Variants in ADCY10 observed in about 807,000 individuals in gnomAD.
ADCY10 encodes adenylate cyclase 10, also known as adenylate cyclase type 10.
In ADCY10, 156 loss-of-function variants were observed where a neutral mutation model predicts 183.3. That is an observed-to-expected ratio of 0.85 (90% CI 0.75 to 0.97). The LOEUF is 0.97. Among genes scored for constraint, ADCY10 ranks in the 50% least tolerant of loss-of-function variants. The probability of loss-of-function intolerance (pLI) is 0.00; values close to 1 mark genes in which losing one functional copy is unlikely to be tolerated. For synonymous variants in ADCY10, 645 were observed against 670.0 expected, an observed-to-expected ratio of 0.96 and a Z score of 0.58; for missense variants, 1,745 against 1,934.3, an observed-to-expected ratio of 0.90 and a Z score of 1.84.
chr1:167,904,010 T>A lies in ADCY10; in HGVS notation c.149-19A>T. 2 of 1,556,020 alleles carry A rather than the reference T, an allele frequency of 1.3e-6. No homozygotes were observed. Among genetic ancestry groups the A allele is most frequent in the Non-Finnish European group, 1.8e-6 (2 of 1,129,730 alleles). ...GTAAAACCTGGAATAAATGTGCAGC[T>A]GGTTTCCTTGGCTGCTTGGGGGAAT... On this transcript the variant is annotated intron_variant, in intron 2 of 32. Transcript: ENST00000367851.
chr1:167,809,448 A>C lies in ADCY10; in HGVS notation c.*230T>G, dbSNP rs547984686. 3.0e-5 allele frequency: 16 copies of C among 536,426 alleles called. No homozygotes were observed. The South Asian group carries it at 3.4e-4, about 11-fold the overall frequency. The allele number at this position is 536,426 out of a possible 1,614,324, so 33.2% of individuals were successfully genotyped here. On this transcript the variant is annotated 3_prime_UTR_variant, in exon 33 of 33. Coordinates refer to ENST00000367851, the MANE Select transcript of ADCY10 (RefSeq NM_018417.6). ...TGGGCTGAAATAAACAGGTCAAGCT[A>C]AAACAACATGAATGGTAAAAGCAAT... is the stretch of plus-strand genomic sequence containing the variant.
At chr1:167,859,956 C>G in intron 15 of ADCY10, 63 bp from the exon 16 acceptor site, 1 of 1,204,378 alleles carries the variant, frequency 8.3e-7, no homozygotes, top group Non-Finnish European at 1.2e-6. Context: ...ACTGGCTATG[C>G]AACTTTGGGC....
intron 14 of ADCY10, among the ~76,000 whole-genome samples, chr1:167,868,649 A>G (rs932685176): frequency 6.6e-6 from 1 of 152,188 alleles, no homozygotes; most frequent in African/African-American, 2.4e-5. Flanking sequence ...TGTTATTGGC[A>G]CTATTAAACC....
In ADCY10 at chr1:167,809,524, GCCC is replaced by G. The variant is rs1291728228; in HGVS notation, c.*151_*153del. ...ACCATGACACTCCTGACCCTTGTAG[GCCC>G]TCCAGAAAGAGAAGAAATCAACATG... is the stretch of plus-strand genomic sequence containing the variant. On this transcript the variant is annotated 3_prime_UTR_variant, in exon 33 of 33. Coordinates refer to ENST00000367851, the MANE Select transcript of ADCY10 (RefSeq NM_018417.6). The G allele has an allele frequency of 1.7e-5, 14 of 835,534 alleles. No individual in the cohort carries two copies. The highest frequency in any genetic ancestry group is 2.5e-5 in the Non-Finnish European group (13 of 522,040). 51.8% of individuals were successfully genotyped at this position (835,534 alleles called of 1,614,324 possible). A position where few individuals can be genotyped will look rare whatever the true frequency, so the allele number is the denominator to read the frequency against.
rs547484207 is a variant in ADCY10 at position 167,843,704 on chromosome 1, C to A, written c.3007+1859G>T. 4.6e-4 allele frequency among the ~76,000 whole-genome samples: 70 copies of A among 152,274 alleles called. 1 individual carries two copies. The highest frequency in any genetic ancestry group is 7.6e-4 in the Non-Finnish European group (52 of 68,034). ...ATGAGAAACCCTCACACATCCTTTC[C>A]CACAGTCTGGGATGGCAGCTTGATC... On this transcript the variant is annotated intron_variant, in intron 21 of 32. Transcript: ENST00000367851.
intron 7 of ADCY10, among the ~76,000 whole-genome samples, chr1:167,895,131 C>T (rs1668872155): frequency 6.7e-6 from 1 of 149,142 alleles, no homozygotes; most frequent in Non-Finnish European, 1.5e-5. Flanking sequence ...GCAGTGAGCC[C>T]ATATCGCGCC....
chr1:167,903,915 G>A lies in ADCY10; in HGVS notation c.225C>T (p.Leu75=). Reference sequence around the variant, plus strand: ...CCACTATTGCACTTATGTGGTAGTTGAGGATCTCCACCAACTGCTCAGCCC... The same window carrying A: ...CCACTATTGCACTTATGTGGTAGTTAAGGATCTCCACCAACTGCTCAGCCC... The part of the protein sequence containing the change: ...DRGAEQLVEI[L]NYHISAIVEK... The change falls in exon 3 of 33, where the codon CTC becomes CTT. Residue 75 remains leucine, a synonymous_variant. Coordinates refer to ENST00000367851, the MANE Select transcript of ADCY10 (RefSeq NM_018417.6). 6.2e-7 allele frequency: 1 copy of A among 1,613,414 alleles called. No individual in the cohort carries two copies. The highest frequency in any genetic ancestry group is 8.5e-7 in the Non-Finnish European group (1 of 1,179,472).
At chr1:167,908,337 T>C (rs775993436) in intron 1 of ADCY10, among the ~76,000 whole-genome samples, 1 of 152,162 alleles carries the variant, frequency 6.6e-6, no homozygotes, top group Non-Finnish European at 1.5e-5. Flanking sequence ...CTCACTTATA[T>C]ATGGAATCTA....
rs187350392 is a variant in ADCY10, at chr1:167,864,471, A to G, written c.1617-3408T>C. Among the ~76,000 whole-genome samples, 9 of 152,296 alleles carry G rather than the reference A, an allele frequency of 5.9e-5. No homozygotes were observed. In the East Asian group the frequency reaches 1.7e-3, roughly 29 times the overall value. ...CACAAGGTAACCTGTAAGCCAAGGC[A>G]CACAGACCAGTTTCTGTACGTAGAC... On this transcript the variant is annotated intron_variant, in intron 14 of 32. Transcript: ENST00000367851.
At chr1:167,870,174 G>A (rs983122713) in intron 14 of ADCY10, 83 bp downstream of exon 14, 2 of 1,482,368 alleles carry the variant, frequency 1.3e-6, no homozygotes, top group East Asian at 4.5e-5. Context: ...ATTTACATAA[G>A]GCAAGTTATA....
intron 30 of ADCY10, among the ~76,000 whole-genome samples, chr1:167,819,247 ATTTTT>A (rs11454786): frequency 7.8e-6 from 1 of 128,336 alleles, no homozygotes; most frequent in East Asian, 2.3e-4. Context: ...AGAAAATCCG[ATTTTT>A]TTTTTTTTTT....
chr1:167,883,394 C>A, intron 9 of ADCY10, 43 bp downstream of exon 9: 1 of 1,602,972 alleles, frequency 6.2e-7, no homozygotes, highest in Non-Finnish European at 8.5e-7. Context: ...TGAATGCTAA[C>A]CTAAAACTAT....
intron 11 of ADCY10, 117 bp downstream of exon 11, chr1:167,879,998 A>G: frequency 3.4e-6 from 3 of 872,126 alleles, no homozygotes; most frequent in Non-Finnish European, 5.7e-6. Flanking sequence ...GGAAGACTCT[A>G]AAGTTTCTGA....
chr1:167,882,056 G>A (rs530413637), intron 9 of ADCY10, among the ~76,000 whole-genome samples: 1 of 152,320 alleles, frequency 6.6e-6, no homozygotes, highest in South Asian at 2.1e-4. Flanking sequence ...TGTTGAATTA[G>A]TGAGTGAGTG....
chr1:167,912,725 CAT>C (rs1389011444), intron 1 of ADCY10, among the ~76,000 whole-genome samples: 5 of 152,216 alleles, frequency 3.3e-5, no homozygotes, highest in Non-Finnish European at 7.3e-5. Context: ...AATCACTCCA[CAT>C]GTGTCTGTGT....
intron 21 of ADCY10, among the ~76,000 whole-genome samples, chr1:167,840,494 C>A (rs921540735): frequency 1.3e-5 from 2 of 151,796 alleles, no homozygotes; most frequent in African/African-American, 4.8e-5. Context: ...GTAGCTGGGA[C>A]TATAGGCGTG....
At chr1:167,889,530 G>A (rs2102325067) in intron 8 of ADCY10, among the ~76,000 whole-genome samples, 1 of 152,162 alleles carries the variant, frequency 6.6e-6, no homozygotes, top group East Asian at 1.9e-4. Flanking sequence ...CTGGCCTGTA[G>A]CTTTCTTTTT....
intron 11 of ADCY10, among the ~76,000 whole-genome samples, chr1:167,879,874 CA>C (rs781582571): frequency 2.0e-5 from 3 of 152,172 alleles, no homozygotes; most frequent in Admixed American, 6.5e-5. Flanking sequence ...CTCATTCCAT[CA>C]ACATATAGCC....
intron 16 of ADCY10, among the ~76,000 whole-genome samples, chr1:167,857,674 C>A (rs796268554): frequency 7.2e-5 from 11 of 152,250 alleles, no homozygotes; most frequent in African/African-American, 2.4e-4. Context: ...CTGCGGGATG[C>A]TCTTTACATA....
Sources: gnomAD v4.1 joint callset for allele counts (sites outside exome capture counted in the v4.1 genomes callset) on GRCh38, gnomAD v4.1.1 for gene constraint, MANE v1.5 for transcripts, NCBI Gene and HGNC (gene_info 2026-07-23, HGNC 2026-07-21) for gene names.